The following NOVA2 variants were observed in gnomAD, a reference collection of about 807,000 sequenced individuals.
The protein encoded by NOVA2 is RNA-binding protein Nova-2.
A neutral mutation model predicts 22.5 loss-of-function variants in NOVA2; 9 were observed. The ratio of observed to expected loss-of-function variants is 0.40; its 90% confidence interval spans 0.24 to 0.70. The LOEUF (loss-of-function observed/expected upper bound fraction) is 0.70, where lower values mean the gene tolerates loss of function less well. NOVA2 is among the 30% of genes least tolerant of loss of function. The probability of loss-of-function intolerance (pLI) is 0.38; values close to 1 mark genes in which losing one functional copy is unlikely to be tolerated. For missense variants in NOVA2, 383 were observed against 682.8 expected, an observed-to-expected ratio of 0.56 and a Z score of 4.89; for synonymous variants, 318 against 335.2, an observed-to-expected ratio of 0.95 and a Z score of 0.56.
chr19:45,945,883 A>C (rs961882733), intron 3 of NOVA2, among the ~76,000 whole-genome samples: 5 of 147,364 alleles, frequency 3.4e-5, no homozygotes, highest in African/African-American at 1.2e-4. Flanking sequence ...CACCCAGGCT[A>C]TGGTGCAGTG....
rs570884768 is a variant in NOVA2, at chr19:45,958,643, CTG to C, written c.229+2365_229+2366del. Among the ~76,000 whole-genome samples, 17 of 151,212 alleles carry C rather than the reference CTG, an allele frequency of 1.1e-4. No individual in the cohort carries two copies. In the East Asian group the frequency reaches 1.2e-3, roughly 10 times the overall value. The stretch of plus-strand genomic sequence containing the variant: ...CGTGTGTGAGTGTGAGCGTGTGAGA[CTG>C]TGTGTGAGTGTGCATGTGAGAGTGT... On this transcript the variant is annotated intron_variant, in intron 2 of 3. Transcript: ENST00000263257.
At position 45,961,115 on chromosome 19, in the gene NOVA2, A is replaced by T. The variant is rs1322971182; in HGVS notation, c.124T>A (p.Tyr42Asn). ...EYFLKVLIPS[Y>N]AAGSIIGKGG... ...TTGCCAATGATGGAGCCCGCCGCGTAGCTGGGGATCAGCACCTTCAGGAAG... is the reference window on the plus strand; with the variant it reads ...TTGCCAATGATGGAGCCCGCCGCGTTGCTGGGGATCAGCACCTTCAGGAAG... Residue 42 changes from tyrosine (Y) to asparagine (N), a missense_variant, in exon 2 of 4, where the codon TAC (tyrosine) becomes AAC (asparagine). This residue lies in a region of NOVA2 where 349 missense variants were observed against 578.1 expected (regional missense o/e 0.60). Coordinates refer to ENST00000263257, the MANE Select transcript of NOVA2 (RefSeq NM_002516.4). 1.9e-6 allele frequency: 3 copies of T among 1,598,934 alleles called. No individual in the cohort carries two copies. Among genetic ancestry groups the T allele is most frequent in the Non-Finnish European group, 2.6e-6 (3 of 1,172,994 alleles).
At position 45,960,997 on chromosome 19, in the gene NOVA2, G is replaced by A; in HGVS notation, c.229+13C>T. 1 of 1,568,912 alleles carries A rather than the reference G, an allele frequency of 6.4e-7. No homozygotes were observed. Among genetic ancestry groups the A allele is most frequent in the Middle Eastern group, 1.7e-4 (1 of 5,904 alleles). The stretch of plus-strand genomic sequence containing the variant: ...GCGGGGGGCCTAGGGCAGAGACCTG[G>A]GCCGGGGCTCACCGGGGTAGAAGTC... On this transcript the variant is annotated intron_variant, in intron 2 of 3. Coordinates refer to ENST00000263257, the MANE Select transcript of NOVA2 (RefSeq NM_002516.4).
intron 3 of NOVA2, among the ~76,000 whole-genome samples, chr19:45,947,992 T>C (rs1331981822): frequency 6.6e-6 from 1 of 152,128 alleles, no homozygotes; most frequent in Non-Finnish European, 1.5e-5. Flanking sequence ...AGTTTTCTCA[T>C]CTGTAAAACA....
rs370671584 is a variant in NOVA2 at position 45,939,818 on chromosome 19, A to C, written c.*45T>G. 3.7e-6 allele frequency: 6 copies of C among 1,608,224 alleles called. No individual in the cohort carries two copies. The African/African-American group carries it at 5.4e-5, about 14-fold the overall frequency. On this transcript the variant is annotated 3_prime_UTR_variant, in exon 4 of 4. Transcript: ENST00000263257. ...GGGGGGGAGGAGGAGAGGGAAGAGG[A>C]GGAGATGGGAGGAGAGAAAAGGGTG...
chr19:45,966,922 A>G (rs1968174853), intron 1 of NOVA2, among the ~76,000 whole-genome samples: 1 of 152,210 alleles, frequency 6.6e-6, no homozygotes, highest in South Asian at 2.1e-4. Context: ...GTTGCTAACA[A>G]TTGGAGCTTG....
At position 45,940,484 on chromosome 19, in the gene NOVA2, C is replaced by T. The variant is rs777756423; in HGVS notation, c.858G>A (p.Leu286=). The change falls in exon 4 of 4, where the codon CTG becomes CTA. Residue 286 remains leucine (L), a synonymous_variant. Transcript: ENST00000263257. ...LLAISTALNT[L]ASYGYNTNSL... is the part of the protein sequence containing the mutation. ...AGTTGGTGTTGTAGCCGTAACTTGCCAGCGTGTTAAGCGCCGTGCTGATGG... is the reference window on the plus strand; with the variant it reads ...AGTTGGTGTTGTAGCCGTAACTTGCTAGCGTGTTAAGCGCCGTGCTGATGG... 4.8e-5 allele frequency: 73 copies of T among 1,532,662 alleles called. 1 individual carries two copies. The South Asian group carries it at 7.0e-4, about 15-fold the overall frequency. 94.9% of individuals were successfully genotyped at this position (1,532,662 alleles called of 1,614,324 possible). A position where few individuals can be genotyped will look rare whatever the true frequency, so the allele number is the denominator to read the frequency against.
rs1967627814 is a variant in NOVA2 at position 45,934,188 on chromosome 19, G to A, written c.*5675C>T. The A allele has an allele frequency of 6.6e-6, 1 of 152,208 alleles. No homozygotes were observed. The highest frequency in any genetic ancestry group is 6.5e-5 in the Admixed American group (1 of 15,274). The allele number at this position is 152,208 out of a possible 1,614,324, so 9.4% of individuals were successfully genotyped here. A position where few individuals can be genotyped will look rare whatever the true frequency, so the allele number is the denominator to read the frequency against. On this transcript the variant is annotated 3_prime_UTR_variant, in exon 4 of 4. Coordinates refer to ENST00000263257, the MANE Select transcript of NOVA2 (RefSeq NM_002516.4). Reference sequence around the variant, plus strand: ...TCCTCCAGTCCTCCCCATATTCCAAGAGGGAGAACAAGCCTGGAGAGGAGG... The same window carrying A: ...TCCTCCAGTCCTCCCCATATTCCAAAAGGGAGAACAAGCCTGGAGAGGAGG...
chr19:45,946,461 C>T (rs1458557766), intron 3 of NOVA2, among the ~76,000 whole-genome samples: 2 of 152,112 alleles, frequency 1.3e-5, no homozygotes, highest in African/African-American at 4.8e-5. Context: ...TCCAATGAGA[C>T]AATAGTATAG....
At chr19:45,962,668 A>G (rs776759333) in intron 1 of NOVA2, 2 of 151,430 alleles carry the variant, frequency 1.3e-5, no homozygotes. Flanking sequence ...TTTTCCTGAG[A>G]TACGGCCTTG....
chr19:45,951,580 T>C (rs1967925393), intron 3 of NOVA2, among the ~76,000 whole-genome samples: 1 of 151,356 alleles, frequency 6.6e-6, no homozygotes, highest in South Asian at 2.1e-4. Context: ...ACCAGGCCAT[T>C]GTACTCCATC....
intron 2 of NOVA2, among the ~76,000 whole-genome samples, chr19:45,956,462 T>G (rs1036816870): frequency 3.4e-5 from 4 of 117,262 alleles, no homozygotes; most frequent in Admixed American, 9.9e-5. Context: ...CAGGCACCAT[T>G]CTAAGCACTT....
chr19:45,969,762 G>A (rs1968211246), intron 1 of NOVA2, among the ~76,000 whole-genome samples: 2 of 152,034 alleles, frequency 1.3e-5, no homozygotes, highest in Admixed American at 6.6e-5. Flanking sequence ...TTTCTGCAAG[G>A]AGTCCCTGAC....
Position 45,953,936 on chromosome 19 carries a change from C to T in NOVA2, c.240G>A (p.Glu80=), listed in dbSNP as rs1379053803. The change falls in exon 3 of 4, where the codon GAG becomes GAA. Residue 80 remains glutamate (E), a synonymous_variant. Transcript: ENST00000263257. ...KSKDFYPGTT[E]RVCLVQGTAE... The stretch of plus-strand genomic sequence containing the variant: ...CCGTGCCCTGTACTAGGCATACCCG[C>T]TCTGTGGTTCCTGTTGAGCAAGGGA... 6.2e-7 allele frequency: 1 copy of T among 1,614,112 alleles called. No homozygotes were observed. Among genetic ancestry groups the T allele is most frequent in the Admixed American group, 1.7e-5 (1 of 60,020 alleles).
In NOVA2 at chr19:45,940,805, C is replaced by T; in HGVS notation, c.537G>A (p.Val179=). 3 of 1,606,758 alleles carry T rather than the reference C, an allele frequency of 1.9e-6. No individual in the cohort carries two copies. Among genetic ancestry groups the T allele is most frequent in the Non-Finnish European group, 2.5e-6 (3 of 1,179,918 alleles). Residue 179 remains valine, a synonymous_variant, in exon 4 of 4, where the codon GTG becomes GTA. Transcript: ENST00000263257. ...KPEGINLQER[V]VTVSGEPEQV... is the part of the protein sequence containing the mutation. ...GCTCGGGCTCGCCGCTGACCGTCAC[C>T]ACGCGCTCCTGCAGGTTGATGCCCT...
At chr19:45,962,109 C>T (rs530052638) in intron 1 of NOVA2, among the ~76,000 whole-genome samples, 1 of 152,252 alleles carries the variant, frequency 6.6e-6, no homozygotes, top group South Asian at 2.1e-4. Context: ...CTCTGATGCC[C>T]ATGAGGGGAG....
At chr19:45,941,283 G>C (rs1233762590) in intron 3 of NOVA2, among the ~76,000 whole-genome samples, 1 of 147,338 alleles carries the variant, frequency 6.8e-6, no homozygotes. Flanking sequence ...GACAGAGGGA[G>C]ACCCTGTCTC....
chr19:45,956,814 C>A (rs1046838647), intron 2 of NOVA2, among the ~76,000 whole-genome samples: 1 of 152,164 alleles, frequency 6.6e-6, no homozygotes, highest in Non-Finnish European at 1.5e-5. Context: ...TTATTATTGT[C>A]CCTGATTCCC....
At chr19:45,959,452 G>A (rs915638535) in intron 2 of NOVA2, among the ~76,000 whole-genome samples, 4 of 152,150 alleles carry the variant, frequency 2.6e-5, no homozygotes, top group African/African-American at 9.7e-5. Context: ...TGTGTCAATG[G>A]GCTGGGAGGG....
Sources: gnomAD v4.1 joint callset for allele counts (sites outside exome capture counted in the v4.1 genomes callset) on GRCh38, gnomAD v4.1.1 for gene constraint, gnomAD v4.1.1 regional missense constraint, MANE v1.5 for transcripts, NCBI Gene and HGNC (gene_info 2026-07-23, HGNC 2026-07-21) for gene names.